The following MCF2L variants were observed in gnomAD, a reference collection of about 807,000 sequenced individuals.
MCF2L encodes MCF.2 cell line derived transforming sequence like, also known as guanine nucleotide exchange factor DBS.
In MCF2L, 97 loss-of-function variants were observed where a neutral mutation model predicts 153.4. The ratio of observed to expected loss-of-function variants is 0.63; its 90% CI spans 0.54 to 0.75. The LOEUF (loss-of-function observed/expected upper bound fraction) is 0.75. MCF2L is among the 30% of genes least tolerant of loss of function. MCF2L has a pLI of 0.00. For synonymous variants in MCF2L, 659 were observed against 632.2 expected (o/e 1.04, Z -0.64); for missense variants, 1,347 against 1,495.2 (o/e 0.90, Z 1.64).
rs141274124 is a variant in MCF2L, at chr13:112,980,854, G to A, written c.79+11396G>A. Among the ~76,000 whole-genome samples, 11 of 152,306 alleles carry A rather than the reference G, an allele frequency of 7.2e-5. No individual in the cohort carries two copies. In the South Asian group the frequency reaches 8.3e-4, roughly 11 times the overall value. On this transcript the variant is annotated intron_variant, in intron 1 of 29. Transcript: ENST00000535094. ...CAGCCAGGGGCTGTGCGTGAATCCC[G>A]CACACGCCAGGGTGTCCAGCGCTCC...
At chr13:113,033,289 ATTAGTGGACCCCG>A (rs1566773018) in intron 3 of MCF2L, among the ~76,000 whole-genome samples, 421 of 30,474 alleles carry the variant, frequency 0.014, no homozygotes, top group Middle Eastern at 0.056. Context: ...CCCCTGTGAC[ATTAGTGGACCCCG>A]TGGCGTGAGT....
At position 113,027,662 on chromosome 13, in the gene MCF2L, G is replaced by A. The variant is rs532915142; in HGVS notation, c.278+2904G>A. On this transcript the variant is annotated intron_variant, in intron 3 of 29. Transcript: ENST00000535094. The surrounding 1 kb of genome is among the most constrained non-coding windows in gnomAD (Gnocchi z 4.8). ...AGCTCCCTGAGGGGCTGATGGGACC[G>A]GCTTGGTGGGGCAAGGCTGCGATGC... is the stretch of plus-strand genomic sequence containing the variant. Among the ~76,000 whole-genome samples the A allele has an allele frequency of 3.3e-5, 5 of 152,320 alleles. No individual in the cohort carries two copies. The highest frequency in any genetic ancestry group is 1.9e-4 in the East Asian group (1 of 5,178).
intron 2 of MCF2L, 68 bp from the exon 3 acceptor site, chr13:113,024,575 GC>G (rs1410435500): frequency 3.2e-6 from 3 of 939,906 alleles, no homozygotes; most frequent in Non-Finnish European, 5.2e-6. Context: ...ATGAAAACGG[GC>G]CGACATCTGT....
chr13:112,901,184 C>T (rs1241258623), intron 1 of MCF2L, among the ~76,000 whole-genome samples: 1 of 152,132 alleles, frequency 6.6e-6, no homozygotes, highest in African/African-American at 2.4e-5. Flanking sequence ...GACGGAGTTT[C>T]ACTGTTGTGC....
intron 4 of MCF2L, among the ~76,000 whole-genome samples, chr13:113,047,657 G>A (rs565335484): frequency 5.9e-5 from 9 of 152,296 alleles, no homozygotes; most frequent in Non-Finnish European, 8.8e-5. Context: ...GGGCACTTGC[G>A]GTGTCAGGAC....
chr13:112,982,660 CGTG>C (rs2082479785), intron 1 of MCF2L, among the ~76,000 whole-genome samples: 1 of 152,066 alleles, frequency 6.6e-6, no homozygotes, highest in Non-Finnish European at 1.5e-5. Flanking sequence ...AGGGGGGAGA[CGTG>C]GTGAGGGAGA....
chr13:112,900,268 G>T (rs540157253), intron 1 of MCF2L, among the ~76,000 whole-genome samples: 1 of 152,314 alleles, frequency 6.6e-6, no homozygotes, highest in East Asian at 1.9e-4. Flanking sequence ...GCGCCAGGTT[G>T]TCCTCAGGTC....
chr13:113,003,876 G>C (rs1056759960), intron 1 of MCF2L, among the ~76,000 whole-genome samples: 5 of 152,208 alleles, frequency 3.3e-5, no homozygotes, highest in African/African-American at 4.8e-5. Flanking sequence ...AAAATGCAGG[G>C]TGGGGCGAGC....
intron 2 of MCF2L, among the ~76,000 whole-genome samples, chr13:112,944,131 G>C (rs1308113076): frequency 2.0e-5 from 3 of 148,540 alleles, no homozygotes; most frequent in Admixed American, 2.0e-4. Flanking sequence ...GAGGGGAGGG[G>C]AAGATCCTAG....
chr13:112,998,925 G>A (rs1466997905), intron 1 of MCF2L, among the ~76,000 whole-genome samples: 1 of 152,214 alleles, frequency 6.6e-6, no homozygotes, highest in African/African-American at 2.4e-5. Flanking sequence ...AGCTGGAAGG[G>A]TCAAGAGCTG....
intron 4 of MCF2L, among the ~76,000 whole-genome samples, chr13:113,057,769 C>G (rs1362500690): frequency 3.8e-5 from 5 of 132,724 alleles, no homozygotes. Context: ...TGTTTGGGTG[C>G]TGAGTGTTTA....
intron 3 of MCF2L, chr13:113,026,915 T>A: frequency 1.3e-6 from 1 of 770,138 alleles, no homozygotes; most frequent in African/African-American, 1.7e-5. Context: ...CAGGCTGACT[T>A]GGGAGGGGTG....
intron 2 of MCF2L, among the ~76,000 whole-genome samples, chr13:112,937,951 T>C (rs80014721): frequency 0.053 from 486 of 9,222 alleles, 1 homozygote; most frequent in South Asian, 0.08. Context: ...GTGGTTGGTT[T>C]ATTCAGGTGA....
At chr13:112,909,288 C>G in intron 2 of MCF2L, 1 of 779,694 alleles carries the variant, frequency 1.3e-6, no homozygotes, top group Non-Finnish European at 2.4e-6. Flanking sequence ...AGCTGGTGTC[C>G]TGCCAGTCTC....
chr13:113,011,260 G>T (rs116126986), intron 1 of MCF2L, among the ~76,000 whole-genome samples: 1 of 152,236 alleles, frequency 6.6e-6, no homozygotes, highest in African/African-American at 2.4e-5. Context: ...GGGCTTAGCT[G>T]TGTGCAGTTT....
intron 1 of MCF2L, among the ~76,000 whole-genome samples, chr13:112,981,582 C>T (rs377703314): frequency 7.9e-5 from 12 of 152,210 alleles, no homozygotes; most frequent in African/African-American, 2.7e-4. Context: ...GAGCGGCCTC[C>T]GCGGCACAGA....
intron 2 of MCF2L, among the ~76,000 whole-genome samples, chr13:113,023,360 G>A (rs1441583930): frequency 1.3e-5 from 2 of 152,220 alleles, no homozygotes; most frequent in Non-Finnish European, 2.9e-5. Context: ...CTGAGGAGAC[G>A]CCCACAGGGA....
intron 2 of MCF2L, among the ~76,000 whole-genome samples, chr13:113,019,207 A>G (rs1043459925): frequency 5.9e-5 from 9 of 152,194 alleles, no homozygotes; most frequent in Admixed American, 4.6e-4. Flanking sequence ...CGCAGTTCTC[A>G]GGTGAGCTGC....
In MCF2L at chr13:113,031,104, GAGAGAC is replaced by G. The variant is rs1441733941; in HGVS notation, c.278+6358_278+6363del. The stretch of plus-strand genomic sequence containing the variant: ...AGATACAGACAGAGACAGAGACAGA[GAGAGAC>G]AGAGACAGAGAGTGACAGAGAGACA... On this transcript the variant is annotated intron_variant, in intron 3 of 29. Transcript: ENST00000535094. This position sits in a 1 kb window ranked among gnomAD's most constrained non-coding sequence, Gnocchi z 5.5. 2.0e-5 allele frequency among the ~76,000 whole-genome samples: 3 copies of G among 151,054 alleles called. No homozygotes were observed. Among genetic ancestry groups the G allele is most frequent in the Admixed American group, 6.6e-5 (1 of 15,200 alleles).
Sources: gnomAD v4.1 joint callset for allele counts (sites outside exome capture counted in the v4.1 genomes callset) on GRCh38, gnomAD v4.1.1 for gene constraint, Gnocchi (gnomAD v3.1) non-coding constraint, MANE v1.5 for transcripts, NCBI Gene and HGNC (gene_info 2026-07-23, HGNC 2026-07-21) for gene names.